The following DIP2B variants were observed in gnomAD, a reference collection of about 807,000 sequenced individuals.
The protein encoded by DIP2B is DIP2 acetate--CoA ligase B (putative), also known as disco-interacting protein 2 homolog B.
Under a neutral mutation model 198.0 loss-of-function variants are expected in DIP2B, and 76 were observed. The observed-to-expected ratio is 0.38, with a 90% CI of 0.32 to 0.46. The LOEUF is 0.46. Ranked by LOEUF, DIP2B falls within the 20% of genes least tolerant of loss-of-function variation. DIP2B has a pLI of 0.99. For synonymous variants in DIP2B, 701 were observed against 739.1 expected, an observed-to-expected ratio of 0.95 and a Z score of 0.84; for missense variants, 1,559 against 1,978.4, an observed-to-expected ratio of 0.79 and a Z score of 4.02.
At chr12:50,727,208 A>G (rs1000597149) in intron 28 of DIP2B, among the ~76,000 whole-genome samples, 1 of 152,254 alleles carries the variant, frequency 6.6e-6, no homozygotes, top group African/African-American at 2.4e-5. Context: ...ACTAAAGTGT[A>G]AATAATGAAC....
intron 1 of DIP2B, among the ~76,000 whole-genome samples, chr12:50,510,888 G>A (rs1189837940): frequency 6.7e-6 from 1 of 149,786 alleles, no homozygotes; most frequent in Admixed American, 6.7e-5. Flanking sequence ...CAGGTGATCC[G>A]CCCACCTCGG....
At chr12:50,520,370 G>T (rs1238640756) in intron 1 of DIP2B, among the ~76,000 whole-genome samples, 1 of 152,082 alleles carries the variant, frequency 6.6e-6, no homozygotes, top group Non-Finnish European at 1.5e-5. Flanking sequence ...ACCCAGCAAG[G>T]AATTGTTAGG....
chr12:50,745,044 G>A lies in DIP2B; in HGVS notation c.*205G>A. On this transcript the variant is annotated 3_prime_UTR_variant, in exon 38 of 38. Transcript: ENST00000301180. ...ATGAAAAAAATGTTAACATTTGGTAGACATGTGCTTTGACATAGCGTGAGC... is the reference window on the plus strand; with the variant it reads ...ATGAAAAAAATGTTAACATTTGGTAAACATGTGCTTTGACATAGCGTGAGC... 1 of 655,540 alleles carries A rather than the reference G, an allele frequency of 1.5e-6. No homozygotes were observed. The highest frequency in any genetic ancestry group is 2.9e-5 in the East Asian group (1 of 35,002). The allele number at this position is 655,540 out of a possible 1,614,324, so 40.6% of individuals were successfully genotyped here. A position where few individuals can be genotyped will look rare whatever the true frequency, so the allele number is the denominator to read the frequency against.
chr12:50,637,998 T>C (rs1938189238), intron 2 of DIP2B, among the ~76,000 whole-genome samples: 1 of 152,252 alleles, frequency 6.6e-6, no homozygotes, highest in Non-Finnish European at 1.5e-5. Flanking sequence ...GAAGGCTTTA[T>C]GTTTTTGAAC....
intron 16 of DIP2B, among the ~76,000 whole-genome samples, 179 bp downstream of exon 16, chr12:50,696,146 A>G (rs1939308003): frequency 6.6e-6 from 1 of 152,196 alleles, no homozygotes; most frequent in Admixed American, 6.5e-5. Flanking sequence ...AGTTTAGAAC[A>G]TTTTCATCAC....
intron 3 of DIP2B, among the ~76,000 whole-genome samples, chr12:50,646,506 C>T (rs775577154): frequency 9.2e-5 from 14 of 152,188 alleles, no homozygotes; most frequent in Non-Finnish European, 1.6e-4. Context: ...ATTGCAACCT[C>T]CGCCTCCTGG....
At chr12:50,512,170 G>A (rs1958023863) in intron 1 of DIP2B, among the ~76,000 whole-genome samples, 1 of 145,526 alleles carries the variant, frequency 6.9e-6, no homozygotes, top group South Asian at 2.2e-4. Flanking sequence ...ACAGTGGCGT[G>A]ATCTCTGCTC....
chr12:50,607,106 TTC>T (rs1958988790), intron 1 of DIP2B, among the ~76,000 whole-genome samples: 2 of 132,940 alleles, frequency 1.5e-5, no homozygotes, highest in Non-Finnish European at 3.2e-5. Context: ...CATGCTTGGC[TTC>T]TTTTTTTTTT....
intron 2 of DIP2B, chr12:50,633,313 A>G (rs978918035): frequency 6.6e-6 from 1 of 152,240 alleles, no homozygotes; most frequent in Non-Finnish European, 1.5e-5. Flanking sequence ...CTAGAACAAT[A>G]TAGAGATTAG....
At chr12:50,739,722 T>G in intron 36 of DIP2B, 136 bp downstream of exon 36, 1 of 1,101,566 alleles carries the variant, frequency 9.1e-7, no homozygotes, top group South Asian at 1.6e-5. Flanking sequence ...CATAAGTGAC[T>G]CTCTCTTCAT....
intron 3 of DIP2B, among the ~76,000 whole-genome samples, chr12:50,658,805 C>T (rs1161199869): frequency 1.3e-5 from 2 of 152,096 alleles, no homozygotes; most frequent in Non-Finnish European, 2.9e-5. Context: ...GAAACAGAAG[C>T]TGGCCGGGCG....
intron 1 of DIP2B, among the ~76,000 whole-genome samples, chr12:50,582,958 G>C (rs1288525668): frequency 3.3e-5 from 5 of 151,918 alleles, no homozygotes; most frequent in Admixed American, 2.0e-4. Context: ...TGTCAGGGGG[G>C]CATTTACCTA....
intron 1 of DIP2B, among the ~76,000 whole-genome samples, chr12:50,623,425 A>T (rs145313646): frequency 7.5e-5 from 4 of 52,994 alleles, no homozygotes; most frequent in East Asian, 3.5e-4. Context: ...ACACACACAC[A>T]CACACACACA....
intron 30 of DIP2B, among the ~76,000 whole-genome samples, chr12:50,729,281 A>G (rs766099699): frequency 1.3e-5 from 2 of 152,158 alleles, no homozygotes; most frequent in African/African-American, 2.4e-5. Flanking sequence ...AGGGGCCCAC[A>G]CTAGAAACAT....
At chr12:50,613,455 C>G (rs1039438961) in intron 1 of DIP2B, among the ~76,000 whole-genome samples, 5 of 152,230 alleles carry the variant, frequency 3.3e-5, no homozygotes, top group African/African-American at 1.2e-4. Flanking sequence ...TCCCAGTGCT[C>G]CAGCACCTAC....
intron 1 of DIP2B, among the ~76,000 whole-genome samples, chr12:50,555,587 G>A (rs1958463568): frequency 6.6e-6 from 1 of 152,110 alleles, no homozygotes; most frequent in African/African-American, 2.4e-5. Flanking sequence ...TGCCCGAGCT[G>A]CCCTTTATCT....
At chr12:50,721,524 C>A in intron 26 of DIP2B, 128 bp downstream of exon 26, 3 of 1,406,922 alleles carry the variant, frequency 2.1e-6, no homozygotes, top group East Asian at 2.3e-5. Context: ...ACTTAGAAGA[C>A]CATGCACACA....
chr12:50,627,994 A>G (rs1049080064), intron 2 of DIP2B, among the ~76,000 whole-genome samples: 5 of 152,138 alleles, frequency 3.3e-5, no homozygotes, highest in African/African-American at 1.2e-4. Flanking sequence ...ATCTTATACT[A>G]TCCAATGGCA....
intron 1 of DIP2B, among the ~76,000 whole-genome samples, chr12:50,508,088 T>C (rs1362222489): frequency 6.6e-6 from 1 of 152,192 alleles, no homozygotes; most frequent in Non-Finnish European, 1.5e-5. Context: ...GGCTCTTTGC[T>C]GCAGAGCGTG....
Sources: allele counts gnomAD v4.1 joint callset (sites outside exome capture counted in the v4.1 genomes callset), GRCh38; gene constraint gnomAD v4.1.1; transcripts MANE v1.5; gene names NCBI Gene and HGNC (gene_info 2026-07-23, HGNC 2026-07-21).